Variants in KIAA1671 observed in about 807,000 individuals in gnomAD.
The protein encoded by KIAA1671 is uncharacterized protein KIAA1671.
KIAA1671 carries 52 observed loss-of-function variants against 131.2 expected under a neutral mutation model. The ratio of observed to expected loss-of-function variants is 0.40; its 90% CI spans 0.32 to 0.50. The LOEUF (loss-of-function observed/expected upper bound fraction) is 0.50. KIAA1671 is among the 20% of genes least tolerant of loss of function. The probability of loss-of-function intolerance (pLI) is 0.73; values close to 1 mark genes in which losing one functional copy is unlikely to be tolerated. For synonymous variants in KIAA1671, 1,003 were observed against 961.6 expected (o/e 1.04, Z -0.80); for missense variants, 2,360 against 2,364.2 (o/e 1.00, Z 0.04).
intron 11 of KIAA1671, among the ~76,000 whole-genome samples, chr22:25,188,456 GT>G (rs1204795654): frequency 1.6e-5 from 2 of 128,748 alleles, no homozygotes; most frequent in South Asian, 4.3e-4. Flanking sequence ...GGGTGTGTGT[GT>G]GTGTGTGTGT....
At chr22:24,991,864 C>T (rs56972134) in intron 1 of KIAA1671, among the ~76,000 whole-genome samples, 5,475 of 152,018 alleles carry the variant, frequency 0.036, 318 homozygotes, top group African/African-American at 0.12. Flanking sequence ...ATTTTAGAGC[C>T]GGGGATGAGT....
chr22:25,097,540 A>G (rs1456285408), intron 6 of KIAA1671, among the ~76,000 whole-genome samples: 3 of 152,286 alleles, frequency 2.0e-5, no homozygotes, highest in Admixed American at 2.0e-4. Context: ...GGAGATGGAG[A>G]CCATCCTGGC....
chr22:25,078,348 T>C (rs1005361517), intron 6 of KIAA1671, among the ~76,000 whole-genome samples: 4 of 152,154 alleles, frequency 2.6e-5, no homozygotes, highest in African/African-American at 9.7e-5. Flanking sequence ...AACACAGCAA[T>C]ACTCAGTCTC....
intron 11 of KIAA1671, among the ~76,000 whole-genome samples, chr22:25,187,633 A>G (rs1934523309): frequency 6.6e-6 from 1 of 152,096 alleles, no homozygotes; most frequent in Admixed American, 6.6e-5. Flanking sequence ...CTCAGCCTCC[A>G]TGAGTGGCTG....
intron 1 of KIAA1671, among the ~76,000 whole-genome samples, chr22:25,004,094 G>C (rs982339668): frequency 6.6e-6 from 1 of 151,962 alleles, no homozygotes; most frequent in African/African-American, 2.4e-5. Context: ...TGGGAATACA[G>C]GCGTGAGCCA....
At chr22:25,111,010 G>A (rs570766375) in intron 6 of KIAA1671, 1 of 152,682 alleles carries the variant, frequency 6.5e-6, no homozygotes, top group East Asian at 1.9e-4. Flanking sequence ...GAAAAGGAGA[G>A]AGAGAGGAGA....
At chr22:24,963,364 C>CAAAA (rs766667437) in intron 1 of KIAA1671, among the ~76,000 whole-genome samples, 3 of 46,642 alleles carry the variant, frequency 6.4e-5, no homozygotes, top group Non-Finnish European at 1.3e-4. Flanking sequence ...AACTCCATCT[C>CAAAA]AAAAAAAAAA....
intron 1 of KIAA1671, chr22:25,012,914 G>T (rs1447423435): frequency 6.6e-6 from 1 of 152,250 alleles, no homozygotes; most frequent in Non-Finnish European, 1.5e-5. Context: ...TCCTAAAGTC[G>T]TCTTGTGTCC....
At chr22:25,068,813 C>T (rs1928645417) in intron 6 of KIAA1671, among the ~76,000 whole-genome samples, 2 of 152,332 alleles carry the variant, frequency 1.3e-5, no homozygotes, top group Admixed American at 1.3e-4. Flanking sequence ...GGATGCAGCA[C>T]AGATGGGCCC....
rs536281785 is a variant in KIAA1671, at chr22:25,156,075, G to A, written c.4531-14745G>A. ...CTTGCTGTGGCACCCAGGCTGGAGT[G>A]CAGTGGCGTGATCTCGGCTCACTGC... is the stretch of plus-strand genomic sequence containing the variant. On this transcript the variant is annotated intron_variant, in intron 6 of 12. Coordinates refer to ENST00000358431, the MANE Select transcript of KIAA1671 (RefSeq NM_001145206.2). Among the ~76,000 whole-genome samples, 102 of 127,496 alleles carry A rather than the reference G, an allele frequency of 8.0e-4. 1 individual carries two copies. The highest frequency in any genetic ancestry group is 2.9e-3 in the African/African-American group (101 of 34,308). The allele number at this position is 127,496 out of a possible 152,430, so 83.6% of individuals were successfully genotyped here. A position where few individuals can be genotyped will look rare whatever the true frequency, so the allele number is the denominator to read the frequency against.
chr22:25,149,523 T>C (rs1568980457), intron 6 of KIAA1671, among the ~76,000 whole-genome samples: 1 of 152,174 alleles, frequency 6.6e-6, no homozygotes, highest in East Asian at 1.9e-4. Flanking sequence ...GCCCTGTCCC[T>C]GGTGCCCCAA....
chr22:25,074,046 G>A (rs975994613), intron 6 of KIAA1671, among the ~76,000 whole-genome samples: 1 of 152,148 alleles, frequency 6.6e-6, no homozygotes, highest in Non-Finnish European at 1.5e-5. Flanking sequence ...ACATATAAGT[G>A]AGAGCATGTA....
At chr22:24,993,206 C>G (rs554071756) in intron 1 of KIAA1671, among the ~76,000 whole-genome samples, 1 of 152,100 alleles carries the variant, frequency 6.6e-6, no homozygotes, top group Non-Finnish European at 1.5e-5. Context: ...GGCAGGCAGG[C>G]GGTAACTCCA....
At chr22:25,106,780 A>T (rs917811144) in intron 6 of KIAA1671, among the ~76,000 whole-genome samples, 2 of 152,228 alleles carry the variant, frequency 1.3e-5, no homozygotes, top group African/African-American at 4.8e-5. Flanking sequence ...ATAAATAAAA[A>T]CAGGATGAGT....
intron 6 of KIAA1671, among the ~76,000 whole-genome samples, chr22:25,160,056 G>A (rs150361602): frequency 1.3e-3 from 191 of 152,268 alleles, no homozygotes; most frequent in African/African-American, 4.4e-3. Flanking sequence ...GACAGTTCAC[G>A]CAGAACGTTT....
At chr22:25,136,517 C>A (rs1044259688) in intron 6 of KIAA1671, among the ~76,000 whole-genome samples, 12 of 152,194 alleles carry the variant, frequency 7.9e-5, no homozygotes, top group African/African-American at 2.7e-4. Flanking sequence ...AACCGTGAGT[C>A]AGGAAGCCTG....
chr22:25,012,704 A>G (rs1462734378), intron 1 of KIAA1671: 3 of 152,212 alleles, frequency 2.0e-5, no homozygotes, highest in Non-Finnish European at 4.4e-5. Context: ...AATAAAAACA[A>G]TCAGCTGCTA....
chr22:25,086,123 C>G (rs1356142856), intron 6 of KIAA1671, among the ~76,000 whole-genome samples: 1 of 152,168 alleles, frequency 6.6e-6, no homozygotes, highest in African/African-American at 2.4e-5. Context: ...GGGCTGAGTA[C>G]ACAGCAAGTG....
At chr22:25,108,732 A>G (rs568307206) in intron 6 of KIAA1671, among the ~76,000 whole-genome samples, 1 of 152,242 alleles carries the variant, frequency 6.6e-6, no homozygotes, top group East Asian at 1.9e-4. Flanking sequence ...CAGTTTTCTC[A>G]TGGACCAGTT....
Sources: allele counts gnomAD v4.1 joint callset (sites outside exome capture counted in the v4.1 genomes callset), GRCh38; gene constraint gnomAD v4.1.1; transcripts MANE v1.5; gene names NCBI Gene and HGNC (gene_info 2026-07-23, HGNC 2026-07-21).